Variants in GOSR2 observed in about 807,000 individuals in gnomAD.
GOSR2 encodes the protein 27 kDa Golgi SNARE protein.
A neutral mutation model predicts 27.9 loss-of-function variants in GOSR2; 20 were observed. The observed-to-expected ratio is 0.72, with a 90% CI of 0.50 to 1.04. The LOEUF is 1.04. Ranked by LOEUF, GOSR2 falls within the 50% of genes least tolerant of loss-of-function variation. GOSR2 has a pLI of 0.00. For synonymous variants in GOSR2, 91 were observed against 98.8 expected (o/e 0.92, Z 0.47); for missense variants, 261 against 270.5 (o/e 0.97, Z 0.25).
At chr17:46,958,239 G>A (rs751115022) in intron 6 of GOSR2, among the ~76,000 whole-genome samples, 7 of 152,192 alleles carry the variant, frequency 4.6e-5, no homozygotes, top group Non-Finnish European at 7.3e-5. Flanking sequence ...AAGTGGAGCC[G>A]TCAACCTTCA....
At chr17:46,929,827 G>T in intron 2 of GOSR2, 1 of 500,192 alleles carries the variant, frequency 2.0e-6, no homozygotes, top group Non-Finnish European at 3.6e-6. Context: ...CTATGGGAAT[G>T]GAAGCGCTTG....
intron 6 of GOSR2, among the ~76,000 whole-genome samples, chr17:46,974,458 G>A (rs1374131401): frequency 6.6e-6 from 1 of 152,204 alleles, no homozygotes; most frequent in African/African-American, 2.4e-5. Flanking sequence ...ATCTCCGCCG[G>A]GCGCGGTGGC....
At chr17:46,946,927 T>A (rs1046990062), downstream of GOSR2, among the ~76,000 whole-genome samples, 1 of 151,452 alleles carries the variant, frequency 6.6e-6, no homozygotes, top group Non-Finnish European at 1.5e-5. Context: ...GCAAGTGGGG[T>A]AGATATCAGA....
chr17:46,957,868 CAG>C (rs560829166), intron 6 of GOSR2, among the ~76,000 whole-genome samples: 2 of 152,144 alleles, frequency 1.3e-5, no homozygotes, highest in African/African-American at 4.8e-5. Context: ...GATGAGCACT[CAG>C]GGGAAACGGA....
rs1369223323 is a variant in GOSR2, at chr17:46,939,164, G to C, written c.*404G>C. On this transcript the variant is annotated 3_prime_UTR_variant, in exon 6 of 6. Coordinates refer to ENST00000640051, the MANE Select transcript of GOSR2 (RefSeq NM_004287.5). ...CATCAGGCCTTTCTGGCTCCTGATA[G>C]GGTGGAGCAAAAGTGGAAAGGAAAG... 9.0e-7 allele frequency: 1 copy of C among 1,105,294 alleles called. No individual in the cohort carries two copies. Among genetic ancestry groups the C allele is most frequent in the Non-Finnish European group, 1.1e-6 (1 of 897,736 alleles). The allele number at this position is 1,105,294 out of a possible 1,614,324, so 68.5% of individuals were successfully genotyped here.
Position 46,939,354 on chromosome 17 carries a change from C to T in GOSR2, c.*594C>T, listed in dbSNP as rs143006022. The T allele has an allele frequency of 3.0e-6, 3 of 1,004,964 alleles. No homozygotes were observed. Among genetic ancestry groups the T allele is most frequent in the East Asian group, 1.8e-4 (2 of 10,872 alleles). The allele number at this position is 1,004,964 out of a possible 1,614,324, so 62.3% of individuals were successfully genotyped here. On this transcript the variant is annotated 3_prime_UTR_variant, in exon 6 of 6. Transcript: ENST00000640051. ...TACCTAGGGGAAACAAGATGTAGTG[C>T]TATTGCCGATAACAAGTAAGATTTT...
downstream of GOSR2, among the ~76,000 whole-genome samples, chr17:46,944,878 G>T (rs1391435649): frequency 1.3e-5 from 2 of 152,176 alleles, no homozygotes; most frequent in East Asian, 3.8e-4. Context: ...GGGATTACTG[G>T]CATAAGCCAC....
Position 46,939,764 on chromosome 17 carries a change from A to G in GOSR2, c.*1004A>G, listed in dbSNP as rs543193253. 1.3e-4 allele frequency: 124 copies of G among 987,338 alleles called. No individual in the cohort carries two copies. The highest frequency in any genetic ancestry group is 1.4e-4 in the Non-Finnish European group (119 of 831,302). 61.2% of individuals were successfully genotyped at this position (987,338 alleles called of 1,614,324 possible). A position where few individuals can be genotyped will look rare whatever the true frequency, so the allele number is the denominator to read the frequency against. Reference sequence around the variant, plus strand: ...TCCTTGTAACACTCTGTTTTCAGGGACTACAACCTTTTTCCTTCTGTGACC... The same window carrying G: ...TCCTTGTAACACTCTGTTTTCAGGGGCTACAACCTTTTTCCTTCTGTGACC... On this transcript the variant is annotated 3_prime_UTR_variant, in exon 6 of 6. Coordinates refer to ENST00000640051, the MANE Select transcript of GOSR2 (RefSeq NM_004287.5).
At chr17:46,945,783 T>C (rs1329410766), downstream of GOSR2, among the ~76,000 whole-genome samples, 2 of 152,122 alleles carry the variant, frequency 1.3e-5, no homozygotes, top group Admixed American at 1.3e-4. Flanking sequence ...TGGGGACCTC[T>C]ATAGGAGGGG....
downstream of GOSR2, among the ~76,000 whole-genome samples, chr17:46,968,132 T>G (rs1398221205): frequency 6.6e-6 from 1 of 151,958 alleles, no homozygotes; most frequent in African/African-American, 2.4e-5. Context: ...TGCTGTTCCT[T>G]CTCTTCAGCT....
intron 3 of GOSR2, 83 bp from the exon 4 acceptor site, chr17:46,931,984 C>CT: frequency 8.1e-7 from 1 of 1,236,388 alleles, no homozygotes; most frequent in Non-Finnish European, 1.2e-6. Flanking sequence ...GAAACGCCGT[C>CT]TTTCCTCAGT....
chr17:46,943,084 G>A (rs1403970854), downstream of GOSR2, among the ~76,000 whole-genome samples: 1 of 152,176 alleles, frequency 6.6e-6, no homozygotes, highest in African/African-American at 2.4e-5. Context: ...TGCCCAAGGC[G>A]ATTGTAATGC....
intron 6 of GOSR2, among the ~76,000 whole-genome samples, chr17:46,956,130 C>T (rs2090693256): frequency 6.6e-6 from 1 of 152,046 alleles, no homozygotes; most frequent in Non-Finnish European, 1.5e-5. Flanking sequence ...TCTTAACCTT[C>T]AGGGAAAAAC....
intron 5 of GOSR2, chr17:46,935,456 G>C: frequency 5.7e-6 from 8 of 1,391,548 alleles, no homozygotes; most frequent in Non-Finnish European, 6.5e-6. Flanking sequence ...CTACTACGAG[G>C]GGTCCAATCA....
At chr17:46,938,498 A>G (rs946576219) in intron 5 of GOSR2, 101 bp from the exon 6 acceptor site, 1 of 1,585,124 alleles carries the variant, frequency 6.3e-7, no homozygotes, top group Non-Finnish European at 8.6e-7. Context: ...GGCATGACCA[A>G]GAGAATGTCT....
At chr17:46,965,628 T>TTTGTTCTTTGTTCTTTTTTTTCTG (rs10693310) in intron 6 of GOSR2, among the ~76,000 whole-genome samples, 2 of 151,792 alleles carry the variant, frequency 1.3e-5, no homozygotes, top group Admixed American at 1.3e-4. Flanking sequence ...ATGCCTTCTC[T>TTTGTTCTTTGTTCTTTTTTTTCTG]TTCTTTTTTT....
chr17:46,942,016 TCCTA>T, exon 6 of GOSR2: 1 of 934,690 alleles, frequency 1.1e-6, no homozygotes, highest in Non-Finnish European at 1.3e-6. Context: ...ACTGTTTATA[TCCTA>T]CCTTAGTCCA....
At chr17:46,964,282 A>T (rs2091217892) in intron 6 of GOSR2, 1 of 152,246 alleles carries the variant, frequency 6.6e-6, no homozygotes, top group African/African-American at 2.4e-5. Context: ...TCAGGCTAGG[A>T]CACATTGGAC....
At position 46,923,203 on chromosome 17, in the gene GOSR2, T is replaced by C; in HGVS notation, c.11T>C (p.Leu4Pro). Residue 4 changes from leucine to proline, a missense_variant, in exon 1 of 6, where the codon CTG becomes CCG. Physicochemically the swap from Leu to Pro is moderately conservative, Grantham distance 98. Coordinates refer to ENST00000640051, the MANE Select transcript of GOSR2 (RefSeq NM_004287.5). The stretch of plus-strand genomic sequence containing the variant: ...TGCGGGGCCGGCGACATGGATCCCC[T>C]GTTCCAGCAAACGCACAAGTGAGGG... Reference protein sequence around the residue: MDPLFQQTHKQVHE... With the variant: MDPPFQQTHKQVHE... 10 of 1,549,006 alleles carry C rather than the reference T, an allele frequency of 6.5e-6. No individual in the cohort carries two copies. Among genetic ancestry groups the C allele is most frequent in the Non-Finnish European group, 8.7e-6 (10 of 1,144,620 alleles).
Sources: allele counts gnomAD v4.1 joint callset (sites outside exome capture counted in the v4.1 genomes callset), GRCh38; gene constraint gnomAD v4.1.1; transcripts MANE v1.5; gene names NCBI Gene and HGNC (gene_info 2026-07-23, HGNC 2026-07-21).